The following C12orf75 variants were observed in gnomAD, a reference collection of about 807,000 sequenced individuals.
C12orf75 encodes overexpressed in colon carcinoma 1 protein.
A neutral mutation model predicts 11.4 loss-of-function variants in C12orf75; 4 were observed. That is an observed-to-expected ratio of 0.35 (90% CI 0.17 to 0.80). The LOEUF (loss-of-function observed/expected upper bound fraction) is 0.80, where lower values mean the gene tolerates loss of function less well. C12orf75 is among the 30% of genes least tolerant of loss of function. The pLI, the probability that C12orf75 is intolerant of heterozygous loss-of-function variation, is 0.52. For synonymous variants in C12orf75, 30 were observed against 30.0 expected, an observed-to-expected ratio of 1.00 and a Z score of 0.00; for missense variants, 89 against 80.4, an observed-to-expected ratio of 1.11 and a Z score of -0.41.
At chr12:105,334,631 A>G (rs777929158) in intron 1 of C12orf75, among the ~76,000 whole-genome samples, 3 of 152,218 alleles carry the variant, frequency 2.0e-5, no homozygotes, top group Admixed American at 6.5e-5. Flanking sequence ...ATGGAGAAAC[A>G]TCGGGATTGA....
At chr12:105,334,242 G>T (rs1176859068) in intron 1 of C12orf75, among the ~76,000 whole-genome samples, 4 of 152,240 alleles carry the variant, frequency 2.6e-5, no homozygotes, top group Non-Finnish European at 5.9e-5. Context: ...AACTTCTAGG[G>T]CAACGCTGGG....
chr12:105,349,097 A>C (rs1892679351), intron 2 of C12orf75, among the ~76,000 whole-genome samples: 1 of 152,228 alleles, frequency 6.6e-6, no homozygotes, highest in Non-Finnish European at 1.5e-5. Context: ...CATAGTCACC[A>C]TTGAGCTATC....
At chr12:105,333,443 C>T (rs1234433019) in intron 1 of C12orf75, among the ~76,000 whole-genome samples, 1 of 152,164 alleles carries the variant, frequency 6.6e-6, no homozygotes, top group African/African-American at 2.4e-5. Flanking sequence ...GAGATATTGT[C>T]TTTCTCTTCT....
Position 105,365,852 on chromosome 12 carries a change from G to A in C12orf75, c.107+10G>A. On this transcript the variant is annotated intron_variant, in intron 3 of 5. Transcript: ENST00000443585. Reference sequence around the variant, plus strand: ...AAGATGACAAGAGGAGGTATGTTTGGTATTGCAGCTGGCTTTAGTTTGAAT... The same window carrying A: ...AAGATGACAAGAGGAGGTATGTTTGATATTGCAGCTGGCTTTAGTTTGAAT... The A allele has an allele frequency of 6.5e-7, 1 of 1,540,544 alleles. No individual in the cohort carries two copies. The highest frequency in any genetic ancestry group is 1.4e-5 in the African/African-American group (1 of 72,900).
intron 2 of C12orf75, among the ~76,000 whole-genome samples, chr12:105,363,414 A>G (rs1235387529): frequency 6.6e-6 from 1 of 152,218 alleles, no homozygotes; most frequent in African/African-American, 2.4e-5. Flanking sequence ...AGGCTTTACA[A>G]CTTACTGGAA....
chr12:105,370,828 T>G lies in C12orf75; in HGVS notation c.*228T>G. The stretch of plus-strand genomic sequence containing the variant: ...AAACAGTACACTTGTTTATGGAACT[T>G]TCTGTGGCCACCTACGAAAGACAAG... On this transcript the variant is annotated 3_prime_UTR_variant, in exon 6 of 6. Transcript: ENST00000443585. The G allele has an allele frequency of 7.4e-6, 3 of 404,626 alleles. No individual in the cohort carries two copies. Among genetic ancestry groups the G allele is most frequent in the South Asian group, 1.8e-5 (1 of 54,932 alleles). 25.1% of individuals were successfully genotyped at this position (404,626 alleles called of 1,614,324 possible). A position where few individuals can be genotyped will look rare whatever the true frequency, so the allele number is the denominator to read the frequency against.
At chr12:105,345,398 G>A (rs1316654394) in intron 1 of C12orf75, among the ~76,000 whole-genome samples, 2 of 151,836 alleles carry the variant, frequency 1.3e-5, no homozygotes, top group African/African-American at 4.8e-5. Flanking sequence ...GCTGAGGCAA[G>A]AAAATAGCTT....
chr12:105,366,710 T>A lies in C12orf75; in HGVS notation c.187+14T>A. The A allele has an allele frequency of 7.2e-7, 1 of 1,388,656 alleles. No homozygotes were observed. Among genetic ancestry groups the A allele is most frequent in the Non-Finnish European group, 1.0e-6 (1 of 1,001,146 alleles). 86.0% of individuals were successfully genotyped at this position (1,388,656 alleles called of 1,614,324 possible). ...CGGTTCGGAAAAGTAAGTGAAATCA[T>A]GTGCTGTTGATTTTCCCTAATTATT... On this transcript the variant is annotated intron_variant, in intron 4 of 5. Coordinates refer to ENST00000443585, the MANE Select transcript of C12orf75 (RefSeq NM_001145199.2).
chr12:105,363,301 A>G (rs1002875808), intron 2 of C12orf75, among the ~76,000 whole-genome samples: 9 of 152,216 alleles, frequency 5.9e-5, no homozygotes, highest in African/African-American at 2.2e-4. Context: ...ACACCATTAT[A>G]CCCACGGAGT....
chr12:105,337,111 G>A (rs979979976), intron 1 of C12orf75, among the ~76,000 whole-genome samples: 8 of 152,172 alleles, frequency 5.3e-5, no homozygotes, highest in African/African-American at 1.7e-4. Flanking sequence ...ATCACCTGAC[G>A]TCAGGAGTTT....
rs189610096 is a variant in C12orf75 at position 105,352,868 on chromosome 12, T to C, written c.71+4242T>C. 6.0e-4 allele frequency among the ~76,000 whole-genome samples: 92 copies of C among 152,322 alleles called. 2 individuals are homozygous for C. The highest frequency in any genetic ancestry group is 2.0e-3 in the African/African-American group (83 of 41,570). ...TAATCACCATAAGAAAAAGCCTACA[T>C]GTGTATCAGAAAACAAGCCTATTTT... is the stretch of plus-strand genomic sequence containing the variant. On this transcript the variant is annotated intron_variant, in intron 2 of 5. Coordinates refer to ENST00000443585, the MANE Select transcript of C12orf75 (RefSeq NM_001145199.2).
At chr12:105,339,392 A>ATTT (rs10638339) in intron 1 of C12orf75, among the ~76,000 whole-genome samples, 41,927 of 136,222 alleles carry the variant, frequency 0.31, 6,748 homozygotes, top group African/African-American at 0.41. Flanking sequence ...AATCTTCAGT[A>ATTT]TTTTTTTTTT....
intron 1 of C12orf75, among the ~76,000 whole-genome samples, 161 bp from the exon 2 acceptor site, chr12:105,348,441 T>G (rs911200228): frequency 6.6e-6 from 1 of 151,804 alleles, no homozygotes; most frequent in African/African-American, 2.4e-5. Context: ...AAAAAAAGAT[T>G]TGAATTTTAT....
At chr12:105,333,643 C>CT (rs1892465301) in intron 1 of C12orf75, among the ~76,000 whole-genome samples, 1 of 152,174 alleles carries the variant, frequency 6.6e-6, no homozygotes, top group East Asian at 1.9e-4. Context: ...TTTCATTTTA[C>CT]TTTTTTGAAT....
In C12orf75 at chr12:105,370,639, T is replaced by C. The variant is rs763151469; in HGVS notation, c.*39T>C. ...CTCTTCTGTTGTCTCCTTAGCTTGC[T>C]CATCAGTTTGGAAGGAATTTGGCTC... On this transcript the variant is annotated 3_prime_UTR_variant, in exon 6 of 6. Transcript: ENST00000443585. 14 of 457,542 alleles carry C rather than the reference T, an allele frequency of 3.1e-5. 1 individual carries two copies. Among genetic ancestry groups the C allele is most frequent in the South Asian group, 2.2e-4 (14 of 64,570 alleles). 28.3% of individuals were successfully genotyped at this position (457,542 alleles called of 1,614,324 possible).
chr12:105,362,877 G>GA (rs1892892850), intron 2 of C12orf75, among the ~76,000 whole-genome samples: 1 of 152,172 alleles, frequency 6.6e-6, no homozygotes. Flanking sequence ...GGTCTTGCAA[G>GA]ATTGTATAAG....
intron 2 of C12orf75, among the ~76,000 whole-genome samples, chr12:105,354,756 A>G (rs1285364690): frequency 1.3e-5 from 2 of 152,114 alleles, no homozygotes; most frequent in Non-Finnish European, 2.9e-5. Flanking sequence ...TAGGAGCAGG[A>G]AGAGAGAGAG....
At chr12:105,342,983 G>A (rs1566137200) in intron 1 of C12orf75, among the ~76,000 whole-genome samples, 1 of 152,172 alleles carries the variant, frequency 6.6e-6, no homozygotes, top group Non-Finnish European at 1.5e-5. Flanking sequence ...ACAGAGCCAA[G>A]GTGAGATGAA....
chr12:105,338,330 G>A (rs1042046010), intron 1 of C12orf75, among the ~76,000 whole-genome samples: 2 of 151,934 alleles, frequency 1.3e-5, no homozygotes, highest in African/African-American at 4.8e-5. Flanking sequence ...ATGCACCACC[G>A]CACCCAGCTA....
Sources: gnomAD v4.1 joint callset for allele counts (sites outside exome capture counted in the v4.1 genomes callset) on GRCh38, gnomAD v4.1.1 for gene constraint, MANE v1.5 for transcripts, NCBI Gene and HGNC (gene_info 2026-07-23, HGNC 2026-07-21) for gene names.